KSR2: variants seen among roughly 807,000 people sequenced by gnomAD.
KSR2 encodes kinase suppressor of ras 2.
Under a neutral mutation model 107.8 loss-of-function variants are expected in KSR2, and 25 were observed. The ratio of observed to expected loss-of-function variants is 0.23; its 90% CI spans 0.17 to 0.32. KSR2 has a LOEUF of 0.32. Ranked by LOEUF, KSR2 falls within the 10% of genes least tolerant of loss-of-function variation. The pLI is 1.00. For missense variants in KSR2, 887 were observed against 1,268.9 expected, an observed-to-expected ratio of 0.70 and a Z score of 4.57; for synonymous variants, 480 against 507.0, an observed-to-expected ratio of 0.95 and a Z score of 0.71.
intron 4 of KSR2, among the ~76,000 whole-genome samples, chr12:117,756,776 C>T (rs1045116532): frequency 2.0e-5 from 3 of 152,144 alleles, no homozygotes; most frequent in Admixed American, 6.5e-5. Flanking sequence ...TGCTGGAGGC[C>T]GGGTGCAGTG....
chr12:117,921,014 A>G (rs772616135), intron 1 of KSR2, among the ~76,000 whole-genome samples: 5 of 152,186 alleles, frequency 3.3e-5, no homozygotes, highest in African/African-American at 4.8e-5. Context: ...TTGAGAGGCA[A>G]TAACAGTGTA....
intron 10 of KSR2, among the ~76,000 whole-genome samples, chr12:117,532,054 C>A (rs1875674024): frequency 6.6e-6 from 1 of 152,144 alleles, no homozygotes; most frequent in Non-Finnish European, 1.5e-5. Flanking sequence ...TTAATTTTTT[C>A]CCCTTTTGGC....
chr12:117,845,482 G>T (rs150289586), intron 3 of KSR2, among the ~76,000 whole-genome samples: 1 of 152,274 alleles, frequency 6.6e-6, no homozygotes, highest in Non-Finnish European at 1.5e-5. Flanking sequence ...GTCAGTTTCA[G>T]TGTGAACTTG....
chr12:117,567,665 A>AAT (rs1878596813), intron 7 of KSR2, among the ~76,000 whole-genome samples: 1 of 150,606 alleles, frequency 6.6e-6, no homozygotes, highest in Admixed American at 6.6e-5. Flanking sequence ...TTCTCGCAAA[A>AAT]AAAAAAAAAA....
At chr12:117,594,776 A>T (rs1880535423) in intron 5 of KSR2, among the ~76,000 whole-genome samples, 1 of 152,210 alleles carries the variant, frequency 6.6e-6, no homozygotes, top group African/African-American at 2.4e-5. Context: ...AACAGTTCTC[A>T]ATCGTGAGCC....
At chr12:117,749,850 T>G (rs142096324) in intron 4 of KSR2, among the ~76,000 whole-genome samples, 1 of 152,182 alleles carries the variant, frequency 6.6e-6, no homozygotes, top group Non-Finnish European at 1.5e-5. Context: ...GGGCAGGGTC[T>G]TTAAGAGGAT....
Position 117,968,313 on chromosome 12 carries a change from G to A in KSR2, c.-58C>T. 6.9e-7 allele frequency: 1 copy of A among 1,452,834 alleles called. No individual in the cohort carries two copies. Among genetic ancestry groups the A allele is most frequent in the Non-Finnish European group, 9.0e-7 (1 of 1,110,908 alleles). The allele number at this position is 1,452,834 out of a possible 1,614,324, so 90.0% of individuals were successfully genotyped here. On this transcript the variant is annotated 5_prime_UTR_variant, in exon 1 of 20. Coordinates refer to ENST00000339824, the MANE Select transcript of KSR2 (RefSeq NM_173598.6). ...CCTCCCAGAGAGAAAAAAGAGGGGG[G>A]GGAGTAGAGGTAGTCTACCCTCCGC...
At chr12:117,698,899 C>T (rs1383393017) in intron 4 of KSR2, among the ~76,000 whole-genome samples, 1 of 152,204 alleles carries the variant, frequency 6.6e-6, no homozygotes, top group Non-Finnish European at 1.5e-5. Context: ...TTTGCACATA[C>T]AGTTCCCATG....
intron 4 of KSR2, among the ~76,000 whole-genome samples, chr12:117,756,172 T>C (rs779026004): frequency 7.2e-5 from 11 of 152,184 alleles, no homozygotes; most frequent in Non-Finnish European, 1.5e-4. Context: ...TGATCACTGA[T>C]GAAAGTGGTT....
chr12:117,658,592 C>A (rs1264187867), intron 5 of KSR2, among the ~76,000 whole-genome samples: 2 of 152,088 alleles, frequency 1.3e-5, no homozygotes, highest in African/African-American at 2.4e-5. Context: ...TACTATCTGG[C>A]CTTTTACAGA....
At chr12:117,720,716 A>AGAAC (rs1455330877) in intron 4 of KSR2, among the ~76,000 whole-genome samples, 1 of 152,258 alleles carries the variant, frequency 6.6e-6, no homozygotes, top group Non-Finnish European at 1.5e-5. Flanking sequence ...TATGAAAGAA[A>AGAAC]GAACAGGTCC....
chr12:117,853,085 G>A (rs1892982367), intron 3 of KSR2, among the ~76,000 whole-genome samples: 1 of 152,098 alleles, frequency 6.6e-6, no homozygotes, highest in South Asian at 2.1e-4. Context: ...TTATAGGTGT[G>A]AGCCACCACG....
chr12:117,644,649 T>C (rs1883534557), intron 5 of KSR2, among the ~76,000 whole-genome samples: 1 of 152,210 alleles, frequency 6.6e-6, no homozygotes, highest in South Asian at 2.1e-4. Context: ...TCTTGTTTCA[T>C]GGTCAGCAGA....
At chr12:117,565,234 C>T (rs1322008676) in intron 7 of KSR2, among the ~76,000 whole-genome samples, 1 of 152,182 alleles carries the variant, frequency 6.6e-6, no homozygotes, top group Non-Finnish European at 1.5e-5. Context: ...CGATTCTAAC[C>T]AACGGATGAA....
chr12:117,780,666 A>C (rs1889851191), intron 3 of KSR2, among the ~76,000 whole-genome samples: 1 of 152,248 alleles, frequency 6.6e-6, no homozygotes, highest in Non-Finnish European at 1.5e-5. Context: ...ACTAAACTGT[A>C]CACTTAAAAA....
chr12:117,726,906 TG>T (rs1279031171), intron 4 of KSR2, among the ~76,000 whole-genome samples: 2 of 152,172 alleles, frequency 1.3e-5, no homozygotes, highest in Admixed American at 1.3e-4. Flanking sequence ...AACCTCAACC[TG>T]GAAGCACTCC....
At chr12:117,870,253 A>C (rs1166857881) in intron 1 of KSR2, among the ~76,000 whole-genome samples, 1 of 152,106 alleles carries the variant, frequency 6.6e-6, no homozygotes, top group Non-Finnish European at 1.5e-5. Context: ...CCACTTTCTC[A>C]TCTGTAAAAC....
At position 117,842,888 on chromosome 12, in the gene KSR2, T is replaced by C. The variant is rs1440606312; in HGVS notation, c.472+12540A>G. On this transcript the variant is annotated intron_variant, in intron 3 of 19. Transcript: ENST00000339824. This position sits in a 1 kb window ranked among gnomAD's most constrained non-coding sequence, Gnocchi z 4.2. The stretch of plus-strand genomic sequence containing the variant: ...AGGGGTTCTGCTGCAAGACAAAGGC[T>C]GGAGAGGAAAACATCCTGCCCCTCC... Among the ~76,000 whole-genome samples the C allele has an allele frequency of 6.6e-6, 1 of 152,042 alleles. No individual in the cohort carries two copies. The highest frequency in any genetic ancestry group is 1.5e-5 in the Non-Finnish European group (1 of 67,998).
intron 5 of KSR2, among the ~76,000 whole-genome samples, chr12:117,636,350 T>TATATATATGGATATATGTATATGGAG (rs1198662204): frequency 1.3e-5 from 2 of 150,604 alleles, no homozygotes; most frequent in African/African-American, 4.9e-5. Context: ...CAAATATATA[T>TATATATATGGATATATGTATATGGAG]ATATATATAT....
Sources: gnomAD v4.1 joint callset for allele counts (sites outside exome capture counted in the v4.1 genomes callset) on GRCh38, gnomAD v4.1.1 for gene constraint, Gnocchi (gnomAD v3.1) non-coding constraint, MANE v1.5 for transcripts, NCBI Gene and HGNC (gene_info 2026-07-23, HGNC 2026-07-21) for gene names.